Variants in RYR3 observed in about 807,000 individuals in gnomAD.
The protein encoded by RYR3 is brain ryanodine receptor-calcium release channel.
Under a neutral mutation model 584.3 loss-of-function variants are expected in RYR3, and 207 were observed. That is an observed-to-expected ratio of 0.35 (90% CI 0.32 to 0.40). The LOEUF is 0.40. Among genes scored for constraint, RYR3 ranks in the 10% least tolerant of loss-of-function variants. The pLI, the probability that RYR3 is intolerant of heterozygous loss-of-function variation, is 1.00. For synonymous variants in RYR3, 2,416 were observed against 2,248.5 expected (o/e 1.07, Z -2.11); for missense variants, 5,616 against 6,089.2 (o/e 0.92, Z 2.59).
At chr15:33,826,588 T>C in intron 83 of RYR3, 84 bp from the exon 84 acceptor site, 1 of 1,179,924 alleles carries the variant, frequency 8.5e-7, no homozygotes, top group Non-Finnish European at 1.3e-6. Flanking sequence ...ACAACTCCTT[T>C]ATCATCTGTG....
intron 9 of RYR3, among the ~76,000 whole-genome samples, chr15:33,549,502 G>A (rs1240962289): frequency 6.6e-6 from 1 of 152,164 alleles, no homozygotes; most frequent in Admixed American, 6.5e-5. Flanking sequence ...ATTATTCAGT[G>A]GATAATTTCT....
intron 1 of RYR3, among the ~76,000 whole-genome samples, chr15:33,438,875 A>C (rs540094651): frequency 2.6e-5 from 4 of 152,326 alleles, no homozygotes; most frequent in African/African-American, 9.6e-5. Context: ...AGTAATCTAC[A>C]CTTTACAAGA....
chr15:33,342,938 C>T (rs1189403115), intron 1 of RYR3, among the ~76,000 whole-genome samples: 1 of 152,132 alleles, frequency 6.6e-6, no homozygotes, highest in South Asian at 2.1e-4. Flanking sequence ...TGGGGGTCTA[C>T]AGGGCAGAAG....
intron 46 of RYR3, among the ~76,000 whole-genome samples, chr15:33,727,530 C>T (rs576486929): frequency 1.7e-4 from 26 of 152,316 alleles, no homozygotes; most frequent in African/African-American, 5.5e-4. Flanking sequence ...AGATGTTGAA[C>T]TCAGTGTTTC....
chr15:33,837,883 C>G lies in RYR3; in HGVS notation c.11903C>G (p.Ala3968Gly). The stretch of plus-strand genomic sequence containing the variant: ...GACTTTCTCCTGTCGTGTGCAGAAG[C>G]TGATGAGAATGACATGTTTAATTAC... ...EIDFLLSCAEADENDMFNYVD... is the reference protein window; with the variant it reads ...EIDFLLSCAEGDENDMFNYVD... Residue 3968 changes from alanine to glycine, a missense_variant, in exon 89 of 104, where the codon GCT becomes GGT. Around this residue, in one of 9 missense-constraint regions of RYR3, gnomAD observed 258 missense variants for 297.3 expected, o/e 0.87. Coordinates refer to ENST00000634891, the MANE Select transcript of RYR3 (RefSeq NM_001036.6). 5 of 1,614,020 alleles carry G rather than the reference C, an allele frequency of 3.1e-6. No individual in the cohort carries two copies. The highest frequency in any genetic ancestry group is 3.4e-6 in the Non-Finnish European group (4 of 1,179,902).
chr15:33,646,190 G>A, intron 28 of RYR3, 161 bp from the exon 29 acceptor site: 1 of 594,282 alleles, frequency 1.7e-6, no homozygotes, highest in Non-Finnish European at 2.9e-6. Flanking sequence ...ACGGGACAAG[G>A]CCCAAGTAAT....
intron 42 of RYR3, among the ~76,000 whole-genome samples, chr15:33,703,678 A>T (rs931604263): frequency 6.6e-6 from 1 of 152,240 alleles, no homozygotes; most frequent in African/African-American, 2.4e-5. Context: ...AATTTAGCCC[A>T]TGACAGAGGG....
intron 38 of RYR3, among the ~76,000 whole-genome samples, chr15:33,691,622 T>C (rs767587994): frequency 1.4e-4 from 22 of 152,200 alleles, no homozygotes; most frequent in Non-Finnish European, 2.9e-4. Context: ...CACAACTCCA[T>C]CACACAAGTA....
chr15:33,454,811 T>C lies in RYR3; in HGVS notation c.52-18608T>C, dbSNP rs114472339. On this transcript the variant is annotated intron_variant, in intron 1 of 103. Transcript: ENST00000634891. ...CAGCAATAGCTCCATAGCGCTGAAG[T>C]TGATCATTTGGGTCAGGGTTGGTGA... is the stretch of plus-strand genomic sequence containing the variant. Among the ~76,000 whole-genome samples the C allele has an allele frequency of 1.8e-3, 270 of 152,162 alleles. 1 individual carries two copies. Among genetic ancestry groups the C allele is most frequent in the African/African-American group, 6.3e-3 (261 of 41,520 alleles).
intron 24 of RYR3, among the ~76,000 whole-genome samples, chr15:33,633,863 G>A (rs142582462): frequency 3.3e-5 from 5 of 152,238 alleles, no homozygotes; most frequent in Admixed American, 2.0e-4. Context: ...CACCTTTTCC[G>A]ATGTTTCTCC....
chr15:33,749,212 GC>G (rs1183145268), intron 55 of RYR3, among the ~76,000 whole-genome samples: 5 of 152,132 alleles, frequency 3.3e-5, no homozygotes, highest in Non-Finnish European at 5.9e-5. Context: ...TCATTGTAAG[GC>G]CCCCAAAACA....
chr15:33,838,721 T>C lies in RYR3; in HGVS notation c.12741T>C (p.Thr4247=), dbSNP rs745421460. The change falls in exon 89 of 104, where the codon ACT becomes ACC. Residue 4247 remains threonine (T), a synonymous_variant. Coordinates refer to ENST00000634891, the MANE Select transcript of RYR3 (RefSeq NM_001036.6). ...CCCAATTTGGTATCCATGATGACAC[T>C]ATGGAGGCTGAGAGGGCAGAGGTGA... is the stretch of plus-strand genomic sequence containing the variant. ...DPTQFGIHDD[T]MEAERAEVME... 1.2e-6 allele frequency: 2 copies of C among 1,613,838 alleles called. No individual in the cohort carries two copies. Among genetic ancestry groups the C allele is most frequent in the South Asian group, 2.2e-5 (2 of 91,054 alleles).
intron 1 of RYR3, among the ~76,000 whole-genome samples, chr15:33,407,662 G>T (rs1390163917): frequency 6.6e-6 from 1 of 152,188 alleles, no homozygotes; most frequent in Non-Finnish European, 1.5e-5. Flanking sequence ...TCATTGGATG[G>T]AGTTAATTGC....
chr15:33,705,364 A>G (rs1003789162), intron 42 of RYR3, among the ~76,000 whole-genome samples: 14 of 152,190 alleles, frequency 9.2e-5, no homozygotes, highest in African/African-American at 3.4e-4. Context: ...ATTTGACATC[A>G]GCAAGTAAGT....
rs184350867 is a variant in RYR3 at position 33,631,149 on chromosome 15, G to A, written c.2784-61G>A. ...CTGTTTTCAACTCGGATGTGAATTA[G>A]GGTTCCTGCTGTTCCTAACACTGCA... On this transcript the variant is annotated intron_variant, in intron 22 of 103. Coordinates refer to ENST00000634891, the MANE Select transcript of RYR3 (RefSeq NM_001036.6). 3.9e-6 allele frequency: 4 copies of A among 1,023,916 alleles called. No homozygotes were observed. The Admixed American group carries it at 9.8e-5, about 25-fold the overall frequency. 63.4% of individuals were successfully genotyped at this position (1,023,916 alleles called of 1,614,324 possible). A position where few individuals can be genotyped will look rare whatever the true frequency, so the allele number is the denominator to read the frequency against.
At chr15:33,320,545 G>T (rs1053571430) in intron 1 of RYR3, among the ~76,000 whole-genome samples, 2 of 152,212 alleles carry the variant, frequency 1.3e-5, no homozygotes, top group Non-Finnish European at 2.9e-5. Context: ...CTTTGAGGTA[G>T]CAAGGATATC....
chr15:33,411,420 A>C (rs2043399133), intron 1 of RYR3, among the ~76,000 whole-genome samples: 1 of 152,212 alleles, frequency 6.6e-6, no homozygotes, highest in Non-Finnish European at 1.5e-5. Flanking sequence ...AAACAAATCT[A>C]TACGTTCTTT....
At position 33,748,215 on chromosome 15, in the gene RYR3, A is replaced by G. The variant is rs769489461; in HGVS notation, c.8091A>G (p.Gln2697=). ...ERTKEGEALV[Q]QRENEKLRSV... ...CCAAAGAGGGAGAAGCTTTGGTTCAACAGCGGGAAAATGAGAAGCTTCGAA... is the reference window on the plus strand; with the variant it reads ...CCAAAGAGGGAGAAGCTTTGGTTCAGCAGCGGGAAAATGAGAAGCTTCGAA... The change falls in exon 54 of 104, where the codon CAA becomes CAG. Residue 2697 remains glutamine, a synonymous_variant. Coordinates refer to ENST00000634891, the MANE Select transcript of RYR3 (RefSeq NM_001036.6). 2 of 1,613,994 alleles carry G rather than the reference A, an allele frequency of 1.2e-6. No individual in the cohort carries two copies. Among genetic ancestry groups the G allele is most frequent in the Non-Finnish European group, 1.7e-6 (2 of 1,179,892 alleles).
chr15:33,766,435 C>T (rs570524499), intron 60 of RYR3, among the ~76,000 whole-genome samples: 2 of 152,248 alleles, frequency 1.3e-5, no homozygotes, highest in Admixed American at 1.3e-4. Context: ...AGGTGCTGAC[C>T]GAAGACCTCC....
Sources: allele counts gnomAD v4.1 joint callset (sites outside exome capture counted in the v4.1 genomes callset), GRCh38; gene constraint gnomAD v4.1.1; regional missense constraint gnomAD v4.1.1; transcripts MANE v1.5; gene names NCBI Gene and HGNC (gene_info 2026-07-23, HGNC 2026-07-21).